The following MACF1 variants were observed in gnomAD, a reference collection of about 807,000 sequenced individuals.
MACF1 encodes microtubule-actin cross-linking factor 1.
Under a neutral mutation model 854.8 loss-of-function variants are expected in MACF1, and 193 were observed. That is an observed-to-expected ratio of 0.23 (90% CI 0.20 to 0.25). The LOEUF (loss-of-function observed/expected upper bound fraction) is 0.25, where lower values mean the gene tolerates loss of function less well. Ranked by LOEUF, MACF1 falls within the 10% of genes least tolerant of loss-of-function variation. MACF1 has a pLI of 1.00. For missense variants in MACF1, 7,722 were observed against 8,929.1 expected, an observed-to-expected ratio of 0.86 and a Z score of 5.45; for synonymous variants, 3,185 against 3,226.7, an observed-to-expected ratio of 0.99 and a Z score of 0.44.
At chr1:39,139,272 C>T (rs1017378569) in intron 2 of MACF1, among the ~76,000 whole-genome samples, 3 of 150,548 alleles carry the variant, frequency 2.0e-5, no homozygotes, top group African/African-American at 7.3e-5. Context: ...TACCCTTTAC[C>T]TTTTTTAAAA....
At chr1:39,441,455 C>G in intron 74 of MACF1, 130 bp downstream of exon 74, 1 of 686,312 alleles carries the variant, frequency 1.5e-6, no homozygotes, top group Non-Finnish European at 2.5e-6. Context: ...GGTGTTTCCA[C>G]AAATTTAGCC....
intron 2 of MACF1, among the ~76,000 whole-genome samples, chr1:39,236,757 G>T (rs1162896900): frequency 6.6e-6 from 1 of 152,100 alleles, no homozygotes; most frequent in East Asian, 1.9e-4. Context: ...TGCCTCCTGG[G>T]TTCAAGCGAC....
chr1:39,232,989 GC>G (rs1022429429), intron 2 of MACF1, among the ~76,000 whole-genome samples: 7 of 150,436 alleles, frequency 4.7e-5, no homozygotes, highest in Admixed American at 4.0e-4. Context: ...TCACTGTGCT[GC>G]CCAGGTCTTT....
intron 2 of MACF1, among the ~76,000 whole-genome samples, chr1:39,138,379 C>T (rs935693989): frequency 2.6e-5 from 4 of 151,638 alleles, no homozygotes; most frequent in Non-Finnish European, 4.4e-5. Context: ...GTCAGGAGAT[C>T]GAGACTACCC....
intron 2 of MACF1, among the ~76,000 whole-genome samples, chr1:39,182,800 A>C (rs1644121934): frequency 6.6e-6 from 1 of 152,214 alleles, no homozygotes; most frequent in Non-Finnish European, 1.5e-5. Context: ...GTTCTTCAAA[A>C]AGTAGAGTTG....
At chr1:39,293,701 G>C in intron 18 of MACF1, 82 bp downstream of exon 18, 2 of 1,299,486 alleles carry the variant, frequency 1.5e-6, no homozygotes, top group South Asian at 3.2e-5. Context: ...TGAAAGCTTG[G>C]GTGGCTGGAG....
chr1:39,380,810 G>T (rs1650116294), intron 55 of MACF1, among the ~76,000 whole-genome samples: 1 of 152,126 alleles, frequency 6.6e-6, no homozygotes, highest in African/African-American at 2.4e-5. Context: ...TACTGGGGAG[G>T]CTGAGGCGAG....
intron 2 of MACF1, among the ~76,000 whole-genome samples, chr1:39,171,229 A>ATG (rs57368495): frequency 7.0e-6 from 1 of 143,328 alleles, no homozygotes. Flanking sequence ...GTGTGTGTGT[A>ATG]TGTGTGTGTG....
At chr1:39,088,922 C>T (rs1297077964) in intron 2 of MACF1, among the ~76,000 whole-genome samples, 4 of 152,174 alleles carry the variant, frequency 2.6e-5, no homozygotes, top group East Asian at 1.9e-4. Flanking sequence ...GGCTAGGGCA[C>T]GGTAGGGTGC....
intron 58 of MACF1, chr1:39,412,604 T>C (rs1198652781): frequency 6.2e-7 from 1 of 1,613,972 alleles, no homozygotes. Flanking sequence ...GTGGAAACTG[T>C]GAATGATACA....
chr1:39,175,125 C>G (rs2148226070), intron 2 of MACF1, among the ~76,000 whole-genome samples: 1 of 152,246 alleles, frequency 6.6e-6, no homozygotes, highest in African/African-American at 2.4e-5. Context: ...TCTCCCTCCC[C>G]CACCTTGCTC....
chr1:39,297,073 A>G (rs1029261944), intron 20 of MACF1, among the ~76,000 whole-genome samples: 16 of 151,646 alleles, frequency 1.1e-4, no homozygotes, highest in South Asian at 2.1e-4. Context: ...ACAGGCGCCC[A>G]CCACCACGCC....
intron 97 of MACF1, among the ~76,000 whole-genome samples, chr1:39,478,112 C>T (rs1300102746): frequency 6.6e-6 from 1 of 150,696 alleles, no homozygotes; most frequent in African/African-American, 2.4e-5. Context: ...AAGTGATTCT[C>T]CTGCCTCAGC....
At chr1:39,117,533 GGTGTGTGTGTGT>G (rs67609869) in intron 2 of MACF1, among the ~76,000 whole-genome samples, 40 of 147,722 alleles carry the variant, frequency 2.7e-4, no homozygotes, top group Non-Finnish European at 4.0e-4. Flanking sequence ...ACCTGCAAGA[GGTGTGTGTGTGT>G]GTGTGTGTGT....
chr1:39,434,089 TATA>T (rs2148655465), intron 68 of MACF1, among the ~76,000 whole-genome samples: 1 of 151,972 alleles, frequency 6.6e-6, no homozygotes, highest in Non-Finnish European at 1.5e-5. Flanking sequence ...CAAAAACATA[TATA>T]ATAATAATAA....
chr1:39,282,286 A>G lies in MACF1; in HGVS notation c.607A>G (p.Thr203Ala). The change falls in exon 7 of 101, where the codon ACA becomes GCA. Residue 203 changes from threonine to alanine, a missense_variant. Coordinates refer to ENST00000564288, the MANE Select transcript of MACF1 (RefSeq NM_001394062.1). ...EKLLLWTQKVTAGYTGIKCTN... is the reference protein window; with the variant it reads ...EKLLLWTQKVAAGYTGIKCTN... Reference sequence around the variant, plus strand: ...ACTACTCCTGTGGACCCAGAAGGTGACAGCTGGTTACACAGGAATCAAATG... The same window carrying G: ...ACTACTCCTGTGGACCCAGAAGGTGGCAGCTGGTTACACAGGAATCAAATG... 6.2e-7 allele frequency: 1 copy of G among 1,614,136 alleles called. No individual in the cohort carries two copies. Among genetic ancestry groups the G allele is most frequent in the South Asian group, 1.1e-5 (1 of 91,086 alleles).
intron 6 of MACF1, among the ~76,000 whole-genome samples, chr1:39,275,914 T>TGC (rs1210077315): frequency 1.1e-4 from 16 of 144,460 alleles, no homozygotes; most frequent in African/African-American, 4.0e-4. Context: ...CTTCATCTGC[T>TGC]TCTTCTTCTT....
At position 39,333,272 on chromosome 1, in the gene MACF1, A is replaced by G. The variant is rs777952396; in HGVS notation, c.6684A>G (p.Glu2228=). 6.2e-7 allele frequency: 1 copy of G among 1,614,128 alleles called. No homozygotes were observed. Among genetic ancestry groups the G allele is most frequent in the Non-Finnish European group, 8.5e-7 (1 of 1,180,034 alleles). Residue 2228 remains glutamate, a synonymous_variant, in exon 37 of 101, where the codon GAA becomes GAG. Transcript: ENST00000564288. ...DGNVHPLDKK[E]MLKKTFLAKD... ...ATGTTCATCCTCTGGACAAAAAGGAAATGTTAAAGAAAACATTTCTGGCTA... is the reference window on the plus strand; with the variant it reads ...ATGTTCATCCTCTGGACAAAAAGGAGATGTTAAAGAAAACATTTCTGGCTA...
intron 58 of MACF1, among the ~76,000 whole-genome samples, chr1:39,397,938 ACT>A (rs953872059): frequency 1.2e-4 from 19 of 152,214 alleles, no homozygotes; most frequent in Admixed American, 9.8e-4. Context: ...TCTGAAAAAA[ACT>A]CTAAATCAGA....
Sources: allele counts gnomAD v4.1 joint callset (sites outside exome capture counted in the v4.1 genomes callset), GRCh38; gene constraint gnomAD v4.1.1; transcripts MANE v1.5; gene names NCBI Gene and HGNC (gene_info 2026-07-23, HGNC 2026-07-21).